Variants in CCDC181 observed in about 807,000 individuals in gnomAD.
CCDC181 encodes the protein coiled-coil domain-containing protein 181.
Under a neutral mutation model 58.7 loss-of-function variants are expected in CCDC181, and 35 were observed. The ratio of observed to expected loss-of-function variants is 0.60; its 90% CI spans 0.46 to 0.79. The LOEUF (loss-of-function observed/expected upper bound fraction) is 0.79. Among genes scored for constraint, CCDC181 ranks in the 30% least tolerant of loss-of-function variants. The pLI is 0.00. For missense variants in CCDC181, 517 were observed against 583.9 expected, an observed-to-expected ratio of 0.89 and a Z score of 1.18; for synonymous variants, 183 against 197.5, an observed-to-expected ratio of 0.93 and a Z score of 0.62.
At chr1:169,416,923 G>T (rs1656240699) in intron 4 of CCDC181, among the ~76,000 whole-genome samples, 1 of 151,950 alleles carries the variant, frequency 6.6e-6, no homozygotes, top group Non-Finnish European at 1.5e-5. Flanking sequence ...ATATATAATA[G>T]ACAAAGGATC....
intron 4 of CCDC181, among the ~76,000 whole-genome samples, chr1:169,408,483 A>G (rs1474051525): frequency 1.3e-5 from 2 of 152,234 alleles, no homozygotes; most frequent in African/African-American, 4.8e-5. Context: ...AGCAGACTTC[A>G]ATGTCCCTGC....
In CCDC181 at chr1:169,421,571, G is replaced by A. The variant is rs769331621; in HGVS notation, c.860C>T (p.Pro287Leu). The A allele has an allele frequency of 1.5e-4, 250 of 1,613,962 alleles. No individual in the cohort carries two copies. Among genetic ancestry groups the A allele is most frequent in the Non-Finnish European group, 2.0e-4 (234 of 1,180,006 alleles). Residue 287 changes from proline (P) to leucine (L), a missense_variant, in exon 3 of 6, where the codon CCG becomes CTG. Transcript: ENST00000367806. ...HAVTHSSTGE[P>L]LAYIAQPPLN... ...TGGTGGCTGAGCGATATAAGCCAGC[G>A]GCTCTCCTGTTGATGAGTGAGTGAC...
At chr1:169,437,040 A>G (rs1657072593) in intron 2 of CCDC181, among the ~76,000 whole-genome samples, 1 of 152,076 alleles carries the variant, frequency 6.6e-6, no homozygotes, top group African/African-American at 2.4e-5. Context: ...TACTCAAATC[A>G]GTCTCCCCAA....
chr1:169,452,158 C>T (rs1657559832), intron 2 of CCDC181, among the ~76,000 whole-genome samples: 2 of 151,236 alleles, frequency 1.3e-5, no homozygotes, highest in South Asian at 4.2e-4. Flanking sequence ...CCTTAGGTTA[C>T]ACTTAAGTTT....
chr1:169,405,564 C>T (rs921208652), intron 4 of CCDC181, among the ~76,000 whole-genome samples: 4 of 152,124 alleles, frequency 2.6e-5, no homozygotes, highest in Admixed American at 6.6e-5. Context: ...CGGAAGGATT[C>T]CCTATTTAAT....
Position 169,421,661 on chromosome 1 carries a change from GGT to G in CCDC181, c.768_769del (p.Leu256PhefsTer56). The stretch of plus-strand genomic sequence containing the variant: ...ACTGACAGAGGAGTTGGAAGATCTG[GGT>G]AACAACTGCTGAGGGTCATTTTCTG... On this transcript the variant is annotated frameshift_variant, in exon 3 of 6. Transcript: ENST00000367806. LOFTEE classifies it high-confidence loss of function. 6.2e-7 allele frequency: 1 copy of G among 1,614,062 alleles called. No individual in the cohort carries two copies. Among genetic ancestry groups the G allele is most frequent in the South Asian group, 1.1e-5 (1 of 91,082 alleles).
At chr1:169,453,607 A>T (rs1214376062) in intron 2 of CCDC181, among the ~76,000 whole-genome samples, 2 of 151,968 alleles carry the variant, frequency 1.3e-5, no homozygotes, top group East Asian at 3.8e-4. Flanking sequence ...AGAGCCTCTC[A>T]TCTTGGAAAT....
Position 169,394,997 on chromosome 1 carries a change from T to C in CCDC181, c.*50A>G. 1 of 1,488,294 alleles carries C rather than the reference T, an allele frequency of 6.7e-7. No homozygotes were observed. The highest frequency in any genetic ancestry group is 2.2e-4 in the Middle Eastern group (1 of 4,554). The allele number at this position is 1,488,294 out of a possible 1,614,324, so 92.2% of individuals were successfully genotyped here. The stretch of plus-strand genomic sequence containing the variant: ...AAAGTACACAGACCCTAAGAAATCA[T>C]ATCCAAAATTTTGATAGCAGCTGCC... On this transcript the variant is annotated 3_prime_UTR_variant, in exon 6 of 6. Transcript: ENST00000367806.
intron 2 of CCDC181, among the ~76,000 whole-genome samples, chr1:169,444,357 C>T (rs192325362): frequency 1.3e-5 from 2 of 152,252 alleles, no homozygotes; most frequent in Admixed American, 6.5e-5. Context: ...TCAGGAAAAA[C>T]TTGTTATCCT....
At position 169,396,971 on chromosome 1, in the gene CCDC181, C is replaced by T. The variant is rs6690801; in HGVS notation, c.1370+266G>A. On this transcript the variant is annotated intron_variant, in intron 5 of 5. Coordinates refer to ENST00000367806, the MANE Select transcript of CCDC181 (RefSeq NM_001300969.2). ...TGATAAGGTATCAAAGGCTATCACA[C>T]TGGTGCCATAAGAAATAATTTAAGT... Among the ~76,000 whole-genome samples, 18,339 of 151,790 alleles carry T rather than the reference C, an allele frequency of 0.12. 1,165 individuals are homozygous for T. Among genetic ancestry groups the T allele is most frequent in the Admixed American group, 0.14 (2,116 of 15,242 alleles).
Position 169,421,713 on chromosome 1 carries a change from G to A in CCDC181, c.718C>T (p.Pro240Ser). The part of the protein sequence containing the change: ...LQDIASQGFL[P>S]PINNANSTEN... ...GTACTATTTGCATTATTAATGGGAG[G>A]CAAAAACCCCTGACTGGCAATGTCT... Residue 240 changes from proline (P) to serine (S), a missense_variant, in exon 3 of 6, where the codon CCT becomes TCT. Coordinates refer to ENST00000367806, the MANE Select transcript of CCDC181 (RefSeq NM_001300969.2). 1 of 1,613,932 alleles carries A rather than the reference G, an allele frequency of 6.2e-7. No individual in the cohort carries two copies. The highest frequency in any genetic ancestry group is 8.5e-7 in the Non-Finnish European group (1 of 1,179,982).
upstream of CCDC181, among the ~76,000 whole-genome samples, chr1:169,429,846 T>C (rs1656861830): frequency 6.6e-6 from 1 of 152,240 alleles, no homozygotes; most frequent in Non-Finnish European, 1.5e-5. Context: ...TTGTTGCGTT[T>C]GCTTTTAGAT....
At chr1:169,442,547 A>G (rs185705983) in intron 2 of CCDC181, 2 of 152,238 alleles carry the variant, frequency 1.3e-5, no homozygotes, top group African/African-American at 4.8e-5. Flanking sequence ...AAGAGGTGAG[A>G]TGTTTTAAGT....
intron 2 of CCDC181, among the ~76,000 whole-genome samples, chr1:169,453,645 G>A (rs533596245): frequency 5.3e-5 from 8 of 150,666 alleles, no homozygotes; most frequent in East Asian, 1.9e-4. Context: ...TTTTATTTTC[G>A]TTTTTGCTCT....
chr1:169,419,988 T>C (rs993029925), intron 3 of CCDC181, among the ~76,000 whole-genome samples: 1 of 152,194 alleles, frequency 6.6e-6, no homozygotes, highest in Non-Finnish European at 1.5e-5. Context: ...AAGTTAGTTA[T>C]AGGATACAAT....
At chr1:169,448,767 C>G (rs1244941356) in intron 2 of CCDC181, among the ~76,000 whole-genome samples, 1 of 152,074 alleles carries the variant, frequency 6.6e-6, no homozygotes, top group Non-Finnish European at 1.5e-5. Context: ...CCCATTCACT[C>G]CTTCTTCTCT....
chr1:169,459,706 C>T (rs1208134), intron 2 of CCDC181: 141,297 of 151,890 alleles, frequency 0.93, 65,740 homozygotes, highest in East Asian at 0.94. Context: ...CTCTGGGATA[C>T]GGCCTTTTAC....
At chr1:169,446,167 C>G (rs150928752) in intron 2 of CCDC181, among the ~76,000 whole-genome samples, 1 of 151,974 alleles carries the variant, frequency 6.6e-6, no homozygotes, top group Non-Finnish European at 1.5e-5. Context: ...CTTCTTAGGC[C>G]GGGTGCGGTG....
At chr1:169,400,425 T>C (rs1280501747) in intron 4 of CCDC181, among the ~76,000 whole-genome samples, 1 of 152,096 alleles carries the variant, frequency 6.6e-6, no homozygotes, top group East Asian at 1.9e-4. Context: ...ATTGAAAAGA[T>C]CCACAGTCTA....
Sources: allele counts gnomAD v4.1 joint callset (sites outside exome capture counted in the v4.1 genomes callset), GRCh38; gene constraint gnomAD v4.1.1; transcripts MANE v1.5; gene names NCBI Gene and HGNC (gene_info 2026-07-23, HGNC 2026-07-21).